The following HS6ST3 variants were observed in gnomAD, a reference collection of about 807,000 sequenced individuals.
HS6ST3 encodes the protein heparan-sulfate 6-O-sulfotransferase 3.
A neutral mutation model predicts 36.7 loss-of-function variants in HS6ST3; 12 were observed. That is an observed-to-expected ratio of 0.33 (90% CI 0.21 to 0.53). The LOEUF is 0.53. HS6ST3 is among the 20% of genes least tolerant of loss of function. HS6ST3 has a pLI of 0.95. For missense variants in HS6ST3, 584 were observed against 640.9 expected (o/e 0.91, Z 0.96); for synonymous variants, 240 against 257.5 (o/e 0.93, Z 0.65).
At chr13:96,191,019 T>C (rs1283726370) in intron 1 of HS6ST3, among the ~76,000 whole-genome samples, 1 of 152,168 alleles carries the variant, frequency 6.6e-6, no homozygotes, top group Non-Finnish European at 1.5e-5. Context: ...GCTGTTCGTG[T>C]GGCTCCATCA....
chr13:96,450,075 C>T (rs1207198809), intron 1 of HS6ST3, among the ~76,000 whole-genome samples: 1 of 152,120 alleles, frequency 6.6e-6, no homozygotes, highest in Non-Finnish European at 1.5e-5. Context: ...CCTTATGTTC[C>T]AAAGACCCAA....
intron 1 of HS6ST3, among the ~76,000 whole-genome samples, chr13:96,525,637 A>G (rs2056110821): frequency 6.6e-6 from 1 of 152,228 alleles, no homozygotes. Flanking sequence ...ATGATTTCAA[A>G]TCCATGACTT....
Position 96,091,138 on chromosome 13 carries a change from C to T in HS6ST3, c.276C>T (p.Asp92=). ...GGGCCGCGGCGCCGGAGGAGGAGGA[C>T]GAGGAGCCCGGAGACCCCCGGGAGG... ...PRGAAAPEEE[D]EEPGDPREGE... is the part of the protein sequence containing the mutation. The change falls in exon 1 of 2, where the codon GAC becomes GAT. Residue 92 remains aspartate, a synonymous_variant. Transcript: ENST00000376705. 6.7e-7 allele frequency: 1 copy of T among 1,498,262 alleles called. No homozygotes were observed. The allele number at this position is 1,498,262 out of a possible 1,614,324, so 92.8% of individuals were successfully genotyped here. A position where few individuals can be genotyped will look rare whatever the true frequency, so the allele number is the denominator to read the frequency against.
chr13:96,385,786 A>G (rs1049926116), intron 1 of HS6ST3, among the ~76,000 whole-genome samples: 2 of 152,212 alleles, frequency 1.3e-5, no homozygotes, highest in East Asian at 3.8e-4. Flanking sequence ...TTAGTATTTT[A>G]GGTACTGTAA....
intron 1 of HS6ST3, among the ~76,000 whole-genome samples, chr13:96,586,545 C>T (rs1461623381): frequency 6.6e-6 from 1 of 152,014 alleles, no homozygotes; most frequent in African/African-American, 2.4e-5. Context: ...ATCTGCCCGC[C>T]TCAGCCTCCC....
intron 1 of HS6ST3, among the ~76,000 whole-genome samples, chr13:96,774,324 A>C (rs907556638): frequency 1.3e-5 from 2 of 152,194 alleles, no homozygotes; most frequent in Non-Finnish European, 2.9e-5. Context: ...CTGGACAGGG[A>C]ATGAATTTGA....
chr13:96,328,110 A>G (rs2055043125), intron 1 of HS6ST3, among the ~76,000 whole-genome samples: 1 of 144,608 alleles, frequency 6.9e-6, no homozygotes, highest in South Asian at 2.3e-4. Flanking sequence ...TAGATATACA[A>G]TCATGTCATC....
intron 1 of HS6ST3, among the ~76,000 whole-genome samples, chr13:96,449,614 C>T (rs867047747): frequency 1.3e-5 from 2 of 152,222 alleles, no homozygotes; most frequent in Middle Eastern, 3.4e-3. Flanking sequence ...ACCATACCTC[C>T]ATATATATAT....
intron 1 of HS6ST3, among the ~76,000 whole-genome samples, chr13:96,714,615 C>T (rs1274456197): frequency 6.6e-6 from 1 of 152,150 alleles, no homozygotes; most frequent in Non-Finnish European, 1.5e-5. Context: ...TGTGCATTCC[C>T]TACTCTCTAG....
chr13:96,103,933 C>A (rs1024094190), intron 1 of HS6ST3, among the ~76,000 whole-genome samples: 1 of 142,208 alleles, frequency 7.0e-6, no homozygotes, highest in African/African-American at 2.6e-5. Flanking sequence ...AGGGATTTGG[C>A]ATAGATCAAG....
chr13:96,259,626 TAACATGTGAAAGCCACAACCCC>T (rs1479740957), intron 1 of HS6ST3, among the ~76,000 whole-genome samples: 1 of 152,236 alleles, frequency 6.6e-6, no homozygotes, highest in Non-Finnish European at 1.5e-5. Flanking sequence ...GATAGCATTT[TAACATGTGAAAGCCACAACCCC>T]AACCTGTCAT....
intron 1 of HS6ST3, among the ~76,000 whole-genome samples, chr13:96,262,427 G>A (rs976436752): frequency 2.0e-5 from 3 of 152,116 alleles, no homozygotes; most frequent in African/African-American, 2.4e-5. Flanking sequence ...ATGTGTCTGA[G>A]GATAGCATGT....
At chr13:96,123,020 C>A (rs1314147543) in intron 1 of HS6ST3, among the ~76,000 whole-genome samples, 1 of 152,166 alleles carries the variant, frequency 6.6e-6, no homozygotes, top group Non-Finnish European at 1.5e-5. Flanking sequence ...TAGTTTTACC[C>A]TAGGACTTGG....
rs537654846 is a variant in HS6ST3, at chr13:96,191,438, A to C, written c.707+99869A>C. On this transcript the variant is annotated intron_variant, in intron 1 of 1. Transcript: ENST00000376705. The stretch of plus-strand genomic sequence containing the variant: ...TATCACAGTCTCTCTCACTTTTATG[A>C]CTAGGAGTGCTTAATTTTTGTGCAT... Among the ~76,000 whole-genome samples, 5 of 152,292 alleles carry C rather than the reference A, an allele frequency of 3.3e-5. 1 individual carries two copies. Among genetic ancestry groups the C allele is most frequent in the African/African-American group, 1.2e-4 (5 of 41,564 alleles).
At chr13:96,800,653 C>T (rs150280358) in intron 1 of HS6ST3, among the ~76,000 whole-genome samples, 1 of 152,170 alleles carries the variant, frequency 6.6e-6, no homozygotes, top group African/African-American at 2.4e-5. Context: ...AATCCACCCA[C>T]GTATCTGCAT....
chr13:96,335,419 T>C (rs975593063), intron 1 of HS6ST3, among the ~76,000 whole-genome samples: 3 of 152,208 alleles, frequency 2.0e-5, no homozygotes, highest in Non-Finnish European at 4.4e-5. Context: ...TGGGGGCCCC[T>C]GTGACGTGCT....
At chr13:96,798,078 G>C (rs4268619) in intron 1 of HS6ST3, among the ~76,000 whole-genome samples, 19,135 of 151,946 alleles carry the variant, frequency 0.13, 1,802 homozygotes, top group African/African-American at 0.27. Flanking sequence ...TAATTTCTTA[G>C]AGCAGCTCAC....
intron 1 of HS6ST3, among the ~76,000 whole-genome samples, chr13:96,240,421 A>G (rs1218708328): frequency 6.6e-6 from 1 of 152,230 alleles, no homozygotes; most frequent in Non-Finnish European, 1.5e-5. Context: ...AATGGTGGCT[A>G]TAATACATAA....
chr13:96,291,479 T>C (rs759864061), intron 1 of HS6ST3, among the ~76,000 whole-genome samples: 4 of 152,088 alleles, frequency 2.6e-5, no homozygotes, highest in Non-Finnish European at 5.9e-5. Flanking sequence ...ACAAGGAAAA[T>C]CCACGTGCTA....
Sources: allele counts gnomAD v4.1 joint callset (sites outside exome capture counted in the v4.1 genomes callset), GRCh38; gene constraint gnomAD v4.1.1; transcripts MANE v1.5; gene names NCBI Gene and HGNC (gene_info 2026-07-23, HGNC 2026-07-21).